Variants in ATP2B1 observed in about 807,000 individuals in gnomAD.
The protein encoded by ATP2B1 is plasma membrane calcium-transporting ATPase 1.
In ATP2B1, 14 loss-of-function variants were observed where a neutral mutation model predicts 124.2. The observed-to-expected ratio is 0.11, with a 90% CI of 0.07 to 0.18. ATP2B1 has a LOEUF of 0.18. Among genes scored for constraint, ATP2B1 ranks in the 10% least tolerant of loss-of-function variants. The pLI, the probability that ATP2B1 is intolerant of heterozygous loss-of-function variation, is 1.00. For missense variants in ATP2B1, 763 were observed against 1,466.1 expected (o/e 0.52, Z 7.83); for synonymous variants, 449 against 492.4 (o/e 0.91, Z 1.17).
At chr12:89,694,042 C>G (rs1050839323) in intron 1 of ATP2B1, among the ~76,000 whole-genome samples, 1 of 152,174 alleles carries the variant, frequency 6.6e-6, no homozygotes, top group Admixed American at 6.5e-5. Flanking sequence ...GACAAGAAGA[C>G]TGGTTTCCAC....
intron 6 of ATP2B1, among the ~76,000 whole-genome samples, chr12:89,630,046 A>C (rs1881592428): frequency 6.6e-6 from 1 of 152,234 alleles, no homozygotes; most frequent in Non-Finnish European, 1.5e-5. Context: ...GCTGAATATA[A>C]CAAGAGAAAT....
chr12:89,699,062 C>T (rs190373096), intron 1 of ATP2B1, among the ~76,000 whole-genome samples: 2 of 152,272 alleles, frequency 1.3e-5, no homozygotes, highest in East Asian at 1.9e-4. Context: ...CCAGTTCTCC[C>T]GTTTTGCCCC....
In ATP2B1 at chr12:89,603,011, C is replaced by A. The variant is rs1876179095; in HGVS notation, c.3060+32G>T. The A allele has an allele frequency of 6.3e-7, 1 of 1,595,234 alleles. No individual in the cohort carries two copies. Among genetic ancestry groups the A allele is most frequent in the African/African-American group, 1.3e-5 (1 of 74,478 alleles). On this transcript the variant is annotated intron_variant, in intron 18 of 20. Transcript: ENST00000428670. This position sits in a 1 kb window ranked among gnomAD's most constrained non-coding sequence, Gnocchi z 4.3. ...TACCTAATGTCTCCCATTTAACAGGCAAATTTGAAACTATCTTTTCCAATT... is the reference window on the plus strand; with the variant it reads ...TACCTAATGTCTCCCATTTAACAGGAAAATTTGAAACTATCTTTTCCAATT...
chr12:89,604,104 T>A (rs755759087), intron 16 of ATP2B1, 51 bp downstream of exon 16: 2 of 1,543,054 alleles, frequency 1.3e-6, no homozygotes, highest in South Asian at 2.4e-5. Flanking sequence ...GCATTTAATA[T>A]ACTTTTTAAA....
Position 89,611,298 on chromosome 12 carries a change from A to C in ATP2B1, c.2142T>G (p.Thr714=). Residue 714 remains threonine (T), a synonymous_variant, in exon 13 of 21, where the codon ACT becomes ACG. Transcript: ENST00000428670. ...CACATTTGGTAGCAATGGCCCGAGC[A>C]GTATTAATATTATCACCAGTGACCA... ...VRMVTGDNIN[T]ARAIATKCGI... 1 of 1,610,530 alleles carries C rather than the reference A, an allele frequency of 6.2e-7. No individual in the cohort carries two copies. The highest frequency in any genetic ancestry group is 8.5e-7 in the Non-Finnish European group (1 of 1,178,412).
At chr12:89,687,172 G>A (rs188560647) in intron 1 of ATP2B1, among the ~76,000 whole-genome samples, 107 of 152,064 alleles carry the variant, frequency 7.0e-4, no homozygotes, top group Non-Finnish European at 7.1e-4. Context: ...ATAACGTTTC[G>A]GTCAACAAGG....
rs148353594 is a variant in ATP2B1 at position 89,699,449 on chromosome 12, A to C, written c.-222+9147T>G. ...TGATGACAAAGTAGTTAAAAGACAA[A>C]ATTGGAAGGCAAACCTAACAGAATA... On this transcript the variant is annotated intron_variant, in intron 1 of 20. Coordinates refer to ENST00000428670, the MANE Select transcript of ATP2B1 (RefSeq NM_001366521.1). 1.7e-3 allele frequency among the ~76,000 whole-genome samples: 256 copies of C among 152,330 alleles called. 1 individual carries two copies. Among genetic ancestry groups the C allele is most frequent in the Admixed American group, 3.2e-3 (49 of 15,304 alleles).
chr12:89,657,256 T>C (rs983819045), intron 1 of ATP2B1, among the ~76,000 whole-genome samples: 1 of 152,208 alleles, frequency 6.6e-6, no homozygotes, highest in African/African-American at 2.4e-5. Flanking sequence ...ACCCCTTTTC[T>C]TCCTGATCTT....
intron 1 of ATP2B1, among the ~76,000 whole-genome samples, chr12:89,687,527 G>A (rs1358278707): frequency 3.3e-5 from 5 of 152,048 alleles, no homozygotes; most frequent in Admixed American, 6.6e-5. Flanking sequence ...ATCTAGGTGG[G>A]TGGAGGTGGG....
At chr12:89,667,428 C>T (rs917182024) in intron 1 of ATP2B1, among the ~76,000 whole-genome samples, 5 of 152,206 alleles carry the variant, frequency 3.3e-5, no homozygotes, top group Non-Finnish European at 5.9e-5. Context: ...ATCCACAGGC[C>T]TCTTGGCAAC....
intron 6 of ATP2B1, among the ~76,000 whole-genome samples, chr12:89,628,116 C>T (rs757423894): frequency 5.3e-5 from 8 of 151,784 alleles, no homozygotes; most frequent in South Asian, 2.1e-4. Flanking sequence ...AAAACGACAA[C>T]GGGCAGTCGG....
intron 12 of ATP2B1, among the ~76,000 whole-genome samples, chr12:89,615,536 A>C (rs1878806657): frequency 6.6e-6 from 1 of 152,178 alleles, no homozygotes; most frequent in South Asian, 2.1e-4. Flanking sequence ...CCAGCTCCTA[A>C]AAGAGTGCTA....
At chr12:89,662,026 T>C (rs1886763023) in intron 1 of ATP2B1, among the ~76,000 whole-genome samples, 1 of 152,186 alleles carries the variant, frequency 6.6e-6, no homozygotes, top group Non-Finnish European at 1.5e-5. Context: ...ACCACATAAT[T>C]GAGCCTAAAT....
intron 15 of ATP2B1, among the ~76,000 whole-genome samples, chr12:89,607,076 CGTT>C (rs1565810531): frequency 6.6e-6 from 1 of 152,098 alleles, no homozygotes; most frequent in African/African-American, 2.4e-5. Flanking sequence ...AATCACAAAA[CGTT>C]AAACTGCTTT....
intron 20 of ATP2B1, among the ~76,000 whole-genome samples, chr12:89,596,199 T>A (rs1355545600): frequency 6.6e-6 from 1 of 152,064 alleles, no homozygotes; most frequent in African/African-American, 2.4e-5. Flanking sequence ...AAACAATTAT[T>A]TAAATATTGG....
At chr12:89,605,895 T>C (rs933887053) in intron 15 of ATP2B1, among the ~76,000 whole-genome samples, 1 of 152,124 alleles carries the variant, frequency 6.6e-6, no homozygotes, top group Non-Finnish European at 1.5e-5. Flanking sequence ...GTGCTAAAGG[T>C]CTCTGATGTA....
chr12:89,628,392 A>G (rs927232933), intron 6 of ATP2B1, among the ~76,000 whole-genome samples: 2 of 96,904 alleles, frequency 2.1e-5, no homozygotes, highest in African/African-American at 8.0e-5. Flanking sequence ...ATAGAGTGAG[A>G]CTCCGTCTCA....
chr12:89,640,917 C>T (rs950616396), intron 3 of ATP2B1, among the ~76,000 whole-genome samples: 7 of 152,186 alleles, frequency 4.6e-5, no homozygotes, highest in African/African-American at 1.2e-4. Context: ...TCCTGTACAG[C>T]CTGCAGAACC....
At chr12:89,696,133 T>G (rs1210948594) in intron 1 of ATP2B1, among the ~76,000 whole-genome samples, 2 of 152,292 alleles carry the variant, frequency 1.3e-5, no homozygotes, top group East Asian at 3.9e-4. Flanking sequence ...GTCAAACATG[T>G]GAACAACAAA....
Sources: allele counts gnomAD v4.1 joint callset (sites outside exome capture counted in the v4.1 genomes callset), GRCh38; gene constraint gnomAD v4.1.1; non-coding constraint Gnocchi (gnomAD v3.1); transcripts MANE v1.5; gene names NCBI Gene and HGNC (gene_info 2026-07-23, HGNC 2026-07-21).